The following PRR16 variants were observed in gnomAD, a reference collection of about 807,000 sequenced individuals.
PRR16 encodes protein Largen.
PRR16 carries 6 observed loss-of-function variants against 18.2 expected under a neutral mutation model. The observed-to-expected ratio is 0.33, with a 90% CI of 0.18 to 0.65. The LOEUF (loss-of-function observed/expected upper bound fraction) is 0.65, where lower values mean the gene tolerates loss of function less well. PRR16 is among the 30% of genes least tolerant of loss of function. The pLI is 0.74. For synonymous variants in PRR16, 151 were observed against 147.8 expected (o/e 1.02, Z -0.16); for missense variants, 412 against 376.6 (o/e 1.09, Z -0.78).
intron 1 of PRR16, among the ~76,000 whole-genome samples, chr5:120,669,814 T>G (rs1009040126): frequency 3.3e-5 from 5 of 152,206 alleles, no homozygotes; most frequent in African/African-American, 1.2e-4. Flanking sequence ...GCTAATTGAT[T>G]TTTTAAAGTA....
chr5:120,675,272 G>C (rs1017843508), intron 1 of PRR16, among the ~76,000 whole-genome samples: 16 of 152,038 alleles, frequency 1.1e-4, no homozygotes, highest in Admixed American at 9.8e-4. Context: ...CTGTTAACCC[G>C]TACTCAGAGC....
intron 1 of PRR16, among the ~76,000 whole-genome samples, chr5:120,528,673 C>T (rs987919722): frequency 1.3e-5 from 2 of 152,070 alleles, no homozygotes; most frequent in African/African-American, 4.8e-5. Flanking sequence ...ATAGTAGAGA[C>T]CCCAAATCCA....
intron 1 of PRR16, among the ~76,000 whole-genome samples, chr5:120,578,302 A>T (rs1753146889): frequency 6.6e-6 from 1 of 152,100 alleles, no homozygotes; most frequent in African/African-American, 2.4e-5. Flanking sequence ...AAAAAATGGG[A>T]TACATATGTA....
intron 1 of PRR16, among the ~76,000 whole-genome samples, chr5:120,502,381 G>A (rs1455042539): frequency 6.9e-6 from 1 of 144,740 alleles, no homozygotes; most frequent in Non-Finnish European, 1.5e-5. Flanking sequence ...ATATATATAT[G>A]TTAGAAATTG....
chr5:120,726,541 G>A, the PRR16 span, among the ~76,000 whole-genome samples: 3 of 151,966 alleles, frequency 2.0e-5, no homozygotes, highest in South Asian at 4.1e-4. Flanking sequence ...ATGGGAAAAG[G>A]CAGCTGTCGT....
intron 1 of PRR16, among the ~76,000 whole-genome samples, chr5:120,620,901 A>G (rs115497025): frequency 0.01 from 1,596 of 152,260 alleles, 13 homozygotes; most frequent in Non-Finnish European, 0.014. Context: ...TGGATGTTTA[A>G]TAAGCATCTT....
chr5:120,745,865 A>ATTTTTTTTTTTTTTTTTT, the PRR16 span, among the ~76,000 whole-genome samples: 5 of 127,478 alleles, frequency 3.9e-5, no homozygotes, highest in East Asian at 4.5e-4. Flanking sequence ...CGCCCGGGTA[A>ATTTTTTTTTTTTTTTTTT]TTTTTTTTTT....
At chr5:120,619,837 T>C (rs1219291688) in intron 1 of PRR16, among the ~76,000 whole-genome samples, 1 of 151,978 alleles carries the variant, frequency 6.6e-6, no homozygotes, top group East Asian at 1.9e-4. Context: ...AATATAAAGA[T>C]TAATAAGACA....
chr5:120,484,426 T>C (rs1260616251), intron 1 of PRR16, among the ~76,000 whole-genome samples: 3 of 145,592 alleles, frequency 2.1e-5, no homozygotes, highest in Non-Finnish European at 4.5e-5. Context: ...TTCTTATATA[T>C]AATATATACC....
intron 1 of PRR16, among the ~76,000 whole-genome samples, chr5:120,482,271 T>C (rs1327835940): frequency 2.6e-5 from 4 of 152,168 alleles, no homozygotes; most frequent in African/African-American, 9.6e-5. Context: ...TTTTCAACAC[T>C]TTTCCCGCTT....
At chr5:120,666,023 C>G (rs891012994) in intron 1 of PRR16, among the ~76,000 whole-genome samples, 1 of 152,050 alleles carries the variant, frequency 6.6e-6, no homozygotes, top group African/African-American at 2.4e-5. Flanking sequence ...ATGGGGATGG[C>G]ATTGAATCTA....
intron 1 of PRR16, among the ~76,000 whole-genome samples, chr5:120,676,092 A>G (rs1048794515): frequency 6.6e-6 from 1 of 152,136 alleles, no homozygotes; most frequent in East Asian, 1.9e-4. Context: ...ATGATTAGAT[A>G]TGTGCCTCTG....
intron 1 of PRR16, among the ~76,000 whole-genome samples, chr5:120,467,575 T>C (rs1049984948): frequency 6.6e-6 from 1 of 152,142 alleles, no homozygotes; most frequent in Non-Finnish European, 1.5e-5. Context: ...ACTCAGGTAG[T>C]AGGATAGAAT....
chr5:120,571,334 T>C (rs960612815), intron 1 of PRR16, among the ~76,000 whole-genome samples: 9 of 152,136 alleles, frequency 5.9e-5, no homozygotes, highest in Non-Finnish European at 1.2e-4. Flanking sequence ...TAAATGGAAG[T>C]GCAATTGTGA....
At chr5:120,541,203 G>A (rs1751903583) in intron 1 of PRR16, among the ~76,000 whole-genome samples, 1 of 152,142 alleles carries the variant, frequency 6.6e-6, no homozygotes, top group African/African-American at 2.4e-5. Flanking sequence ...TTGGAGAGCA[G>A]TAGCGCAATC....
At chr5:120,754,401 T>TTATACTATATAGTATATATTATATAAAA in the PRR16 span, among the ~76,000 whole-genome samples, 1 of 67,212 alleles carries the variant, frequency 1.5e-5, no homozygotes, top group Non-Finnish European at 2.5e-5. Context: ...ATGTTATATA[T>TTATACTATATAGTATATATTATATAAAA]TATACTATAT....
At chr5:120,755,281 A>C in the PRR16 span, among the ~76,000 whole-genome samples, 2 of 152,098 alleles carry the variant, frequency 1.3e-5, no homozygotes, top group Admixed American at 1.3e-4. Context: ...TTGGCCTCTT[A>C]TGTGGATATA....
intron 1 of PRR16, among the ~76,000 whole-genome samples, chr5:120,624,772 C>G (rs1451771371): frequency 6.6e-6 from 1 of 152,156 alleles, no homozygotes; most frequent in African/African-American, 2.4e-5. Context: ...TGTGTCCCCA[C>G]TCAAATGTCA....
At chr5:120,688,135 T>A (rs115538010), downstream of PRR16, among the ~76,000 whole-genome samples, 1,026 of 152,342 alleles carry the variant, frequency 6.7e-3, 22 homozygotes, top group African/African-American at 0.023. Context: ...TTCAATCGTA[T>A]TTCTTTCCTG....
Sources: gnomAD v4.1 joint callset for allele counts (sites outside exome capture counted in the v4.1 genomes callset) on GRCh38, gnomAD v4.1.1 for gene constraint, MANE v1.5 for transcripts, NCBI Gene and HGNC (gene_info 2026-07-23, HGNC 2026-07-21) for gene names.